The following PRORP variants were observed in gnomAD, a reference collection of about 807,000 sequenced individuals.
PRORP encodes the protein mitochondrial ribonuclease P catalytic subunit.
Under a neutral mutation model 59.4 loss-of-function variants are expected in PRORP, and 51 were observed. The observed-to-expected ratio is 0.86, with a 90% CI of 0.69 to 1.08. PRORP has a LOEUF of 1.08. PRORP is among the 50% of genes least tolerant of loss of function. The pLI, the probability that PRORP is intolerant of heterozygous loss-of-function variation, is 0.00. For missense variants in PRORP, 646 were observed against 690.3 expected (o/e 0.94, Z 0.72); for synonymous variants, 231 against 245.6 (o/e 0.94, Z 0.55).
chr14:35,272,048 A>AAC (rs1491585797), intron 7 of PRORP, among the ~76,000 whole-genome samples: 2 of 140,520 alleles, frequency 1.4e-5, no homozygotes, highest in African/African-American at 6.0e-5. Flanking sequence ...AAAAAACAAC[A>AAC]AAAAAAAAAC....
intron 4 of PRORP, among the ~76,000 whole-genome samples, chr14:35,152,815 C>G (rs1183024203): frequency 1.3e-5 from 2 of 150,536 alleles, no homozygotes; most frequent in East Asian, 3.9e-4. Context: ...AGAGGCGCTC[C>G]CCACATCTCA....
intron 5 of PRORP, among the ~76,000 whole-genome samples, chr14:35,199,281 G>A (rs1487601514): frequency 1.3e-5 from 2 of 149,516 alleles, no homozygotes; most frequent in Non-Finnish European, 3.0e-5. Context: ...GTTGCAGTAA[G>A]CCGAGATTGC....
chr14:35,155,940 A>T (rs1235863015), intron 4 of PRORP, among the ~76,000 whole-genome samples: 1 of 152,224 alleles, frequency 6.6e-6, no homozygotes, highest in African/African-American at 2.4e-5. Context: ...TTCAGAGTCA[A>T]TTCTATAAAG....
In PRORP at chr14:35,162,076, CT is replaced by C. The variant is rs778025918; in HGVS notation, c.1168-18591del. Among the ~76,000 whole-genome samples the C allele has an allele frequency of 5.9e-4, 89 of 151,842 alleles. 1 individual carries two copies. The highest frequency in any genetic ancestry group is 4.7e-4 in the Non-Finnish European group (32 of 67,884). On this transcript the variant is annotated intron_variant, in intron 4 of 7. Transcript: ENST00000534898. ...TCCTCTTCCCCTTCTCTTTTTTCTT[CT>C]TTCTAGCTGTATGGAATGACCATAA... is the stretch of plus-strand genomic sequence containing the variant.
At chr14:35,166,125 T>C (rs571956245) in intron 4 of PRORP, among the ~76,000 whole-genome samples, 2 of 152,324 alleles carry the variant, frequency 1.3e-5, no homozygotes, top group East Asian at 3.9e-4. Context: ...ATATCCATAA[T>C]GTTCTTTTTC....
At chr14:35,258,505 A>AG (rs1190069912) in intron 5 of PRORP, among the ~76,000 whole-genome samples, 1 of 152,146 alleles carries the variant, frequency 6.6e-6, no homozygotes, top group African/African-American at 2.4e-5. Flanking sequence ...ATCAGAAGAG[A>AG]GAAAAAAAAG....
chr14:35,141,273 G>GT (rs200886389), intron 4 of PRORP, among the ~76,000 whole-genome samples: 1,919 of 119,026 alleles, frequency 0.016, 110 homozygotes, highest in African/African-American at 0.049. Context: ...GTTTTGTTTT[G>GT]TTTTTTGAGA....
At chr14:35,258,071 C>A (rs1412296251) in intron 5 of PRORP, among the ~76,000 whole-genome samples, 1 of 151,530 alleles carries the variant, frequency 6.6e-6, no homozygotes, top group East Asian at 1.9e-4. Context: ...AAAAAAAAAT[C>A]TCTTATCTCC....
chr14:35,132,806 GAAGGA>G (rs1035183850), intron 4 of PRORP, among the ~76,000 whole-genome samples: 48 of 150,542 alleles, frequency 3.2e-4, no homozygotes, highest in Non-Finnish European at 4.9e-4. Flanking sequence ...AAAAAGGGAA[GAAGGA>G]AAGGAAAGGA....
intron 4 of PRORP, among the ~76,000 whole-genome samples, chr14:35,128,031 G>GA (rs987778275): frequency 2.6e-5 from 4 of 152,196 alleles, no homozygotes; most frequent in African/African-American, 4.8e-5. Flanking sequence ...AGACTGCCAT[G>GA]AAAACATTGT....
At chr14:35,162,232 A>AT (rs1491159191) in intron 4 of PRORP, among the ~76,000 whole-genome samples, 1 of 152,030 alleles carries the variant, frequency 6.6e-6, no homozygotes, top group Non-Finnish European at 1.5e-5. Flanking sequence ...TAGATATAAG[A>AT]TAGATTCCCA....
chr14:35,153,205 C>T lies in PRORP; in HGVS notation c.1167+25594C>T, dbSNP rs759333716. Among the ~76,000 whole-genome samples, 11 of 152,350 alleles carry T rather than the reference C, an allele frequency of 7.2e-5. No homozygotes were observed. In the Middle Eastern group the frequency reaches 0.01, roughly 141 times the overall value. On this transcript the variant is annotated intron_variant, in intron 4 of 7. Coordinates refer to ENST00000534898, the MANE Select transcript of PRORP (RefSeq NM_014672.4). ...GAGTTGGAGACCAGCCCGGCCAACA[C>T]AGCGAAACCCCGTCTCCACCAAAAA...
chr14:35,236,779 T>C (rs1383231509), intron 5 of PRORP, among the ~76,000 whole-genome samples: 1 of 152,084 alleles, frequency 6.6e-6, no homozygotes, highest in Non-Finnish European at 1.5e-5. Flanking sequence ...CTTAGACAGG[T>C]ACTTGAAACT....
In PRORP at chr14:35,138,794, T is replaced by C. The variant is rs188332241; in HGVS notation, c.1167+11183T>C. Reference sequence around the variant, plus strand: ...ACCTGGACCTCAGCCACTAAAGATATTGATTTTTTTTTTTTAGACGGAGTC... The same window carrying C: ...ACCTGGACCTCAGCCACTAAAGATACTGATTTTTTTTTTTTAGACGGAGTC... On this transcript the variant is annotated intron_variant, in intron 4 of 7. Transcript: ENST00000534898. Among the ~76,000 whole-genome samples the C allele has an allele frequency of 1.7e-3, 221 of 131,770 alleles. 10 individuals are homozygous for C. Among genetic ancestry groups the C allele is most frequent in the African/African-American group, 4.4e-3 (173 of 38,886 alleles). 86.4% of individuals were successfully genotyped at this position (131,770 alleles called of 152,430 possible).
chr14:35,183,696 C>G (rs1485902232), intron 5 of PRORP, among the ~76,000 whole-genome samples: 1 of 152,082 alleles, frequency 6.6e-6, no homozygotes, highest in Non-Finnish European at 1.5e-5. Flanking sequence ...TATACTACCA[C>G]CAAAAGTGTA....
chr14:35,235,215 C>A, intron 5 of PRORP: 1 of 716,700 alleles, frequency 1.4e-6, no homozygotes, highest in South Asian at 1.3e-5. Context: ...TTTGCCTTTT[C>A]GAGCTTGGTG....
chr14:35,182,920 A>T (rs943399842), intron 5 of PRORP, among the ~76,000 whole-genome samples: 3 of 152,180 alleles, frequency 2.0e-5, no homozygotes, highest in East Asian at 1.9e-4. Flanking sequence ...ATGTATTCAA[A>T]TGTGTTCATT....
At chr14:35,244,753 T>G (rs1438853197) in intron 5 of PRORP, among the ~76,000 whole-genome samples, 1 of 152,200 alleles carries the variant, frequency 6.6e-6, no homozygotes, top group Non-Finnish European at 1.5e-5. Context: ...GTTCCCTGTG[T>G]GTCCTGTTTA....
At chr14:35,126,346 G>A (rs2047097258) in intron 2 of PRORP, among the ~76,000 whole-genome samples, 1 of 152,176 alleles carries the variant, frequency 6.6e-6, no homozygotes, top group South Asian at 2.1e-4. Context: ...AATTTAATTG[G>A]GAATACAGTA....
Sources: gnomAD v4.1 joint callset for allele counts (sites outside exome capture counted in the v4.1 genomes callset) on GRCh38, gnomAD v4.1.1 for gene constraint, MANE v1.5 for transcripts, NCBI Gene and HGNC (gene_info 2026-07-23, HGNC 2026-07-21) for gene names.